The following DUOX1 variants were observed in gnomAD, a reference collection of about 807,000 sequenced individuals.
DUOX1 encodes NADPH thyroid oxidase 1.
A neutral mutation model predicts 181.8 loss-of-function variants in DUOX1; 134 were observed. The ratio of observed to expected loss-of-function variants is 0.74; its 90% CI spans 0.64 to 0.85. The LOEUF is 0.85. DUOX1 is among the 40% of genes least tolerant of loss of function. The pLI is 0.00. For synonymous variants in DUOX1, 798 were observed against 832.5 expected (o/e 0.96, Z 0.71); for missense variants, 1,814 against 2,064.4 (o/e 0.88, Z 2.35).
At chr15:45,137,301 G>A (rs1228536162) in intron 9 of DUOX1, among the ~76,000 whole-genome samples, 3 of 146,338 alleles carry the variant, frequency 2.1e-5, no homozygotes, top group Non-Finnish European at 3.0e-5. Context: ...CGGAGGTTGC[G>A]GTGAGCCAAG....
At chr15:45,146,318 T>A (rs184393582) in intron 18 of DUOX1, among the ~76,000 whole-genome samples, 46 of 152,308 alleles carry the variant, frequency 3.0e-4, no homozygotes, top group Non-Finnish European at 6.2e-4. Flanking sequence ...TTTAAAGTCA[T>A]TTGAGGACAA....
chr15:45,155,568 T>G, intron 27 of DUOX1: 1 of 410,980 alleles, frequency 2.4e-6, no homozygotes, highest in South Asian at 2.5e-5. Flanking sequence ...AGACTCCATC[T>G]CAAAAAAAAA....
intron 8 of DUOX1, 24 bp from the exon 9 acceptor site, chr15:45,136,505 T>C (rs1485839190): frequency 1.2e-6 from 2 of 1,614,052 alleles, no homozygotes; most frequent in Admixed American, 3.3e-5. Flanking sequence ...AATTCTTCTG[T>C]CCTCTCTTCT....
At chr15:45,143,047 C>A (rs1291350960) in intron 15 of DUOX1, 143 bp from the exon 16 acceptor site, 2 of 639,990 alleles carry the variant, frequency 3.1e-6, no homozygotes, top group African/African-American at 1.8e-5. Flanking sequence ...CCCCCAGGGA[C>A]CTTCCCAATC....
chr15:45,144,236 G>A lies in DUOX1; in HGVS notation c.2136+1G>A, dbSNP rs780138507. 1.5e-5 allele frequency: 24 copies of A among 1,613,794 alleles called. No homozygotes were observed. Among genetic ancestry groups the A allele is most frequent in the Non-Finnish European group, 2.0e-5 (24 of 1,180,028 alleles). Reference sequence around the variant, plus strand: ...CAAGATCCCCAAGGAGTATGACCTGGTATGGCTCAGCTGGCATCTGGCTCC... The same window carrying A: ...CAAGATCCCCAAGGAGTATGACCTGATATGGCTCAGCTGGCATCTGGCTCC... On this transcript the variant is annotated splice_donor_variant, in intron 17 of 33. Coordinates refer to ENST00000389037, the MANE Select transcript of DUOX1 (RefSeq NM_175940.3). LOFTEE classifies it high-confidence loss of function.
Position 45,152,374 on chromosome 15 carries a change from T to C in DUOX1, c.3282T>C (p.Ser1094=), listed in dbSNP as rs114272662. Residue 1094 remains serine, a synonymous_variant, in exon 25 of 34, where the codon TCT becomes TCC. Coordinates refer to ENST00000389037, the MANE Select transcript of DUOX1 (RefSeq NM_175940.3). ...ILSRGTAASI[S]FMFSYILLTM... is the part of the protein sequence containing the mutation. The stretch of plus-strand genomic sequence containing the variant: ...CGCGGGGCACAGCAGCCAGCATCTC[T>C]TTCATGTTCTCCTACATCTTGCTCA... 5.2e-3 allele frequency: 8,352 copies of C among 1,614,170 alleles called. 349 individuals are homozygous for C. In the African/African-American group the frequency reaches 0.093, roughly 18 times the overall value.
intron 27 of DUOX1, chr15:45,155,569 CAAAAA>C (rs747495934): frequency 3.7e-4 from 114 of 307,912 alleles, no homozygotes; most frequent in Middle Eastern, 8.9e-4. Context: ...GACTCCATCT[CAAAAA>C]AAAAAAAAAA....
In DUOX1 at chr15:45,141,997, A is replaced by G; in HGVS notation, c.1707A>G (p.Arg569=). ...WHKGDPCPQP[R]QLSTEGLPAC... ...CAGGAGACCCCTGTCCGCAGCCGAGACAGCTCAGCACTGAAGGCCTGCCAG... is the reference window on the plus strand; with the variant it reads ...CAGGAGACCCCTGTCCGCAGCCGAGGCAGCTCAGCACTGAAGGCCTGCCAG... The change falls in exon 15 of 34, where the codon AGA becomes AGG. Residue 569 remains arginine (R), a synonymous_variant. Coordinates refer to ENST00000389037, the MANE Select transcript of DUOX1 (RefSeq NM_175940.3). 6.2e-7 allele frequency: 1 copy of G among 1,613,088 alleles called. No homozygotes were observed.
chr15:45,150,771 G>T, intron 22 of DUOX1, 70 bp downstream of exon 22: 2 of 1,461,632 alleles, frequency 1.4e-6, no homozygotes. Context: ...TGAATGGCTG[G>T]GATCAGGGCC....
At chr15:45,138,348 C>G (rs1896390977) in intron 10 of DUOX1, among the ~76,000 whole-genome samples, 1 of 152,162 alleles carries the variant, frequency 6.6e-6, no homozygotes, top group Non-Finnish European at 1.5e-5. Context: ...CCTTCGACAG[C>G]TTTGGGCGTC....
rs1896761248 is a variant in DUOX1, at chr15:45,149,986, C to T, written c.2819-646C>T. Among the ~76,000 whole-genome samples the T allele has an allele frequency of 1.3e-5, 2 of 152,194 alleles. 1 individual carries two copies. The highest frequency in any genetic ancestry group is 4.1e-4 in the South Asian group (2 of 4,822). ...ATTCTGATTTAATTTTAATATAGTT[C>T]AGCTTATCTTCTTTTGACCTCAACT... On this transcript the variant is annotated intron_variant, in intron 21 of 33. Coordinates refer to ENST00000389037, the MANE Select transcript of DUOX1 (RefSeq NM_175940.3).
In DUOX1 at chr15:45,144,947, G is replaced by T. The variant is rs756249297; in HGVS notation, c.2189G>T (p.Arg730Leu). The T allele has an allele frequency of 6.2e-7, 1 of 1,613,682 alleles. No homozygotes were observed. The highest frequency in any genetic ancestry group is 1.7e-5 in the Admixed American group (1 of 59,996). Residue 730 changes from arginine (R) to leucine (L), a missense_variant, in exon 18 of 34, where the codon CGG (arginine) becomes CTG (leucine). Coordinates refer to ENST00000389037, the MANE Select transcript of DUOX1 (RefSeq NM_175940.3). ...CGGCAGGCGCTGGTGGAAAATCTCC[G>T]GGGAGCTCTGAAGGAGAGCGGGTTG... is the stretch of plus-strand genomic sequence containing the variant. The part of the protein sequence containing the change: ...EERQALVENL[R>L]GALKESGLSI...
Position 45,151,816 on chromosome 15 carries a change from C to T in DUOX1, c.3015-58C>T, listed in dbSNP as rs1896811310. 103 of 1,547,946 alleles carry T rather than the reference C, an allele frequency of 6.7e-5. 4 individuals carry two copies. The South Asian group carries it at 1.2e-3, about 18-fold the overall frequency. On this transcript the variant is annotated intron_variant, in intron 23 of 33. Transcript: ENST00000389037. ...GGCGGCTCACCTCCGTGAAGTGGGG[C>T]CCCACTAGCGTTGGGTCCCATGGTG... is the stretch of plus-strand genomic sequence containing the variant.
intron 14 of DUOX1, 38 bp from the exon 15 acceptor site, chr15:45,141,937 C>T: frequency 6.3e-7 from 1 of 1,586,792 alleles, no homozygotes; most frequent in Non-Finnish European, 8.6e-7. Flanking sequence ...GCACCTGTGG[C>T]CCAGCACCCA....
chr15:45,153,432 CCTCAGCGTCCT>C lies in DUOX1; in HGVS notation c.3481_3491del (p.Ser1161LeufsTer9). 2.5e-6 allele frequency: 4 copies of C among 1,613,718 alleles called. No homozygotes were observed. The highest frequency in any genetic ancestry group is 3.4e-6 in the Non-Finnish European group (4 of 1,179,966). On this transcript the variant is annotated frameshift_variant, in exon 26 of 34. Transcript: ENST00000389037. LOFTEE classifies it high-confidence loss of function. Reference sequence around the variant, plus strand: ...ATGTGTACCTGTTCTCCATCAGCCCCCTCAGCGTCCTCTCTTGCCTCTTTCCTGGCCTCTTC... The same window carrying C: ...ATGTGTACCTGTTCTCCATCAGCCCCCTCTTGCCTCTTTCCTGGCCTCTTC...
At chr15:45,158,398 AC>A (rs1428494210) in intron 28 of DUOX1, among the ~76,000 whole-genome samples, 4 of 152,020 alleles carry the variant, frequency 2.6e-5, no homozygotes, top group Non-Finnish European at 4.4e-5. Context: ...TGAATGGGGA[AC>A]CAGAGTTCAG....
intron 30 of DUOX1, 99 bp downstream of exon 30, chr15:45,162,069 G>A (rs1897119286): frequency 3.4e-6 from 5 of 1,451,064 alleles, no homozygotes; most frequent in Non-Finnish European, 4.7e-6. Context: ...TCCCCTCTCT[G>A]CATCTAGAGA....
chr15:45,153,219 T>TAAAAAAAA, intron 25 of DUOX1, 161 bp from the exon 26 acceptor site: 1 of 199,238 alleles, frequency 5.0e-6, no homozygotes, highest in Non-Finnish European at 9.3e-6. Context: ...AGACTCCATC[T>TAAAAAAAA]AAAAAAAAAA....
At chr15:45,163,486 G>A (rs775986125) in intron 31 of DUOX1, 46 bp from the exon 32 acceptor site, 6 of 1,610,952 alleles carry the variant, frequency 3.7e-6, no homozygotes, top group African/African-American at 1.3e-5. Context: ...GGGGTTTAGG[G>A]AGACTGAGCT....
Sources: allele counts gnomAD v4.1 joint callset (sites outside exome capture counted in the v4.1 genomes callset), GRCh38; gene constraint gnomAD v4.1.1; transcripts MANE v1.5; gene names NCBI Gene and HGNC (gene_info 2026-07-23, HGNC 2026-07-21).